The following CCSER1 variants were observed in gnomAD, a reference collection of about 807,000 sequenced individuals.
CCSER1 encodes the protein serine-rich coiled-coil domain-containing protein 1.
Under a neutral mutation model 82.0 loss-of-function variants are expected in CCSER1, and 41 were observed. That is an observed-to-expected ratio of 0.50 (90% CI 0.39 to 0.65). CCSER1 has a LOEUF of 0.65. CCSER1 is among the 30% of genes least tolerant of loss of function. The pLI is 0.00. For missense variants in CCSER1, 1,119 were observed against 1,064.2 expected, an observed-to-expected ratio of 1.05 and a Z score of -0.72; for synonymous variants, 414 against 383.9, an observed-to-expected ratio of 1.08 and a Z score of -0.92.
rs113961264 is a variant in CCSER1, at chr4:91,450,491, C to T, written c.2218-148081C>T. ...ATATAAAACAACAGGTTTCACACAT[C>T]GGACTATAGGTGTCACAGTATAGTA... is the stretch of plus-strand genomic sequence containing the variant. On this transcript the variant is annotated intron_variant, in intron 10 of 10. Coordinates refer to ENST00000509176, the MANE Select transcript of CCSER1 (RefSeq NM_001145065.2). Among the ~76,000 whole-genome samples the T allele has an allele frequency of 5.3e-5, 8 of 152,042 alleles. 1 individual carries two copies. The highest frequency in any genetic ancestry group is 1.9e-4 in the African/African-American group (8 of 41,512).
Position 91,148,696 on chromosome 4 carries a change from C to G in CCSER1, c.2217+62702C>G, listed in dbSNP as rs149926866. 6.1e-3 allele frequency among the ~76,000 whole-genome samples: 924 copies of G among 152,208 alleles called. 5 individuals are homozygous for G. Among genetic ancestry groups the G allele is most frequent in the African/African-American group, 0.022 (896 of 41,542 alleles). Reference sequence around the variant, plus strand: ...TCCGCATCCTGTGTCCAAATGTTCTCATTGTTCAAATCCCACCTATGAGTG... The same window carrying G: ...TCCGCATCCTGTGTCCAAATGTTCTGATTGTTCAAATCCCACCTATGAGTG... On this transcript the variant is annotated intron_variant, in intron 10 of 10. Transcript: ENST00000509176.
At chr4:91,561,973 A>G (rs1242235822) in intron 10 of CCSER1, among the ~76,000 whole-genome samples, 1 of 151,464 alleles carries the variant, frequency 6.6e-6, no homozygotes, top group Non-Finnish European at 1.5e-5. Flanking sequence ...ATCTTATTTT[A>G]TCTGACCTCA....
At chr4:90,177,407 A>G (rs1223939722) in intron 1 of CCSER1, among the ~76,000 whole-genome samples, 1 of 152,108 alleles carries the variant, frequency 6.6e-6, no homozygotes, top group African/African-American at 2.4e-5. Flanking sequence ...CATAGGATAA[A>G]TGGACTATGC....
At position 90,402,638 on chromosome 4, in the gene CCSER1, A is replaced by G. The variant is rs557370194; in HGVS notation, c.1603+2509A>G. Among the ~76,000 whole-genome samples, 19 of 152,330 alleles carry G rather than the reference A, an allele frequency of 1.2e-4. No homozygotes were observed. The East Asian group carries it at 3.7e-3, about 29-fold the overall frequency. On this transcript the variant is annotated intron_variant, in intron 4 of 10. Transcript: ENST00000509176. Reference sequence around the variant, plus strand: ...ATTTTCATTGTAAAAAATAAAACAAAGCAACAATTAGAAAACACTACAGTT... The same window carrying G: ...ATTTTCATTGTAAAAAATAAAACAAGGCAACAATTAGAAAACACTACAGTT...
chr4:90,753,959 A>G (rs1224388807), intron 7 of CCSER1, among the ~76,000 whole-genome samples: 1 of 152,174 alleles, frequency 6.6e-6, no homozygotes, highest in Non-Finnish European at 1.5e-5. Context: ...CTGTCTTCAC[A>G]TTACCATATA....
At chr4:90,201,685 C>T (rs1737738580) in intron 1 of CCSER1, among the ~76,000 whole-genome samples, 1 of 151,986 alleles carries the variant, frequency 6.6e-6, no homozygotes, top group African/African-American at 2.4e-5. Flanking sequence ...CCATGTGTGG[C>T]TATAGGCTAC....
intron 10 of CCSER1, among the ~76,000 whole-genome samples, chr4:91,288,810 A>C (rs1178330283): frequency 2.0e-5 from 3 of 152,060 alleles, no homozygotes; most frequent in Non-Finnish European, 2.9e-5. Context: ...ACAAAAATAC[A>C]TGATGGGCCT....
rs1203082276 is a variant in CCSER1, at chr4:91,599,086, A to G, written c.*29A>G. ...AATCACCGTATTCCTGTCTTTGGGT[A>G]GGATAAAGATGGTTAGTGTTTCTCG... On this transcript the variant is annotated 3_prime_UTR_variant, in exon 11 of 11. Transcript: ENST00000509176. 8 of 1,495,510 alleles carry G rather than the reference A, an allele frequency of 5.3e-6. No individual in the cohort carries two copies. The highest frequency in any genetic ancestry group is 2.8e-5 in the African/African-American group (2 of 71,176). 92.6% of individuals were successfully genotyped at this position (1,495,510 alleles called of 1,614,324 possible). A position where few individuals can be genotyped will look rare whatever the true frequency, so the allele number is the denominator to read the frequency against.
intron 4 of CCSER1, among the ~76,000 whole-genome samples, chr4:90,438,994 A>T (rs1759466440): frequency 6.6e-6 from 1 of 152,046 alleles, no homozygotes; most frequent in Non-Finnish European, 1.5e-5. Flanking sequence ...GCTATTATTC[A>T]TTTTTTTAAA....
At chr4:91,196,048 T>G (rs1376775937) in intron 10 of CCSER1, among the ~76,000 whole-genome samples, 1 of 151,720 alleles carries the variant, frequency 6.6e-6, no homozygotes, top group African/African-American at 2.4e-5. Flanking sequence ...TTAGTCGGGT[T>G]CGGTGGCGGG....
chr4:90,762,277 C>T (rs1426849869), intron 7 of CCSER1, among the ~76,000 whole-genome samples: 5 of 152,114 alleles, frequency 3.3e-5, no homozygotes, highest in African/African-American at 1.2e-4. Flanking sequence ...TTGCTGCTGC[C>T]ATGTGAAGAA....
At chr4:90,523,388 C>A (rs1242968566) in intron 5 of CCSER1, among the ~76,000 whole-genome samples, 2 of 152,042 alleles carry the variant, frequency 1.3e-5, no homozygotes, top group East Asian at 3.9e-4. Context: ...ATTGAATTAA[C>A]TGGGCTCTTG....
chr4:91,172,919 G>A (rs1732915357), intron 10 of CCSER1, among the ~76,000 whole-genome samples: 1 of 151,882 alleles, frequency 6.6e-6, no homozygotes, highest in South Asian at 2.1e-4. Context: ...AAATACAAAA[G>A]TGGAAAAAAA....
intron 4 of CCSER1, among the ~76,000 whole-genome samples, chr4:90,455,887 A>T (rs2153580724): frequency 1.3e-5 from 2 of 152,226 alleles, no homozygotes. Context: ...CTTCACTGTC[A>T]TGTGCCTTTG....
At chr4:90,355,834 A>T (rs1744279094) in intron 3 of CCSER1, among the ~76,000 whole-genome samples, 1 of 152,014 alleles carries the variant, frequency 6.6e-6, no homozygotes, top group Non-Finnish European at 1.5e-5. Context: ...TGGAAAGTAA[A>T]GGTTTCCAAG....
chr4:91,085,894 A>G (rs1723345282), intron 9 of CCSER1, 56 bp from the exon 10 acceptor site: 2 of 971,278 alleles, frequency 2.1e-6, no homozygotes, highest in South Asian at 1.5e-5. Context: ...CACTAATATG[A>G]ATTATTATTT....
At chr4:91,594,416 T>C (rs1451668068) in intron 10 of CCSER1, among the ~76,000 whole-genome samples, 2 of 147,958 alleles carry the variant, frequency 1.4e-5, no homozygotes, top group Non-Finnish European at 3.0e-5. Flanking sequence ...TATACACATA[T>C]ATATACATAT....
chr4:90,439,186 G>T (rs1759494970), intron 4 of CCSER1, among the ~76,000 whole-genome samples: 1 of 152,062 alleles, frequency 6.6e-6, no homozygotes, highest in Admixed American at 6.5e-5. Flanking sequence ...ACTCGGGAGT[G>T]CTGAGGCAGG....
intron 4 of CCSER1, among the ~76,000 whole-genome samples, chr4:90,413,658 T>C (rs554221937): frequency 6.6e-6 from 1 of 151,840 alleles, no homozygotes; most frequent in South Asian, 2.1e-4. Context: ...ATCCTTGTAA[T>C]AAAGAGTCCT....
Sources: allele counts gnomAD v4.1 joint callset (sites outside exome capture counted in the v4.1 genomes callset), GRCh38; gene constraint gnomAD v4.1.1; transcripts MANE v1.5; gene names NCBI Gene and HGNC (gene_info 2026-07-23, HGNC 2026-07-21).